ANKAR: variants seen among roughly 807,000 people sequenced by gnomAD.
ANKAR encodes ankyrin and armadillo repeat containing, also known as ankyrin and armadillo repeat-containing protein.
ANKAR carries 136 observed loss-of-function variants against 146.2 expected under a neutral mutation model. That is an observed-to-expected ratio of 0.93 (90% CI 0.81 to 1.07). The LOEUF (loss-of-function observed/expected upper bound fraction) is 1.07, where lower values mean the gene tolerates loss of function less well. ANKAR is among the 50% of genes least tolerant of loss of function. ANKAR has a pLI of 0.00. For missense variants in ANKAR, 1,567 were observed against 1,679.9 expected, an observed-to-expected ratio of 0.93 and a Z score of 1.18; for synonymous variants, 500 against 575.8, an observed-to-expected ratio of 0.87 and a Z score of 1.88.
In ANKAR at chr2:189,674,691, C is replaced by G. The variant is rs2033223757; in HGVS notation, c.-175C>G. On this transcript the variant is annotated 5_prime_UTR_variant, in exon 1 of 23. Transcript: ENST00000684021. The stretch of plus-strand genomic sequence containing the variant: ...TCTCAGTTCCTTCCGGTGCGCCTCC[C>G]GCTCGCCCTTGCGGAGGCCCTGAGG... 6.6e-6 allele frequency: 1 copy of G among 152,296 alleles called. No individual in the cohort carries two copies. Among genetic ancestry groups the G allele is most frequent in the African/African-American group, 2.4e-5 (1 of 41,460 alleles). 9.4% of individuals were successfully genotyped at this position (152,296 alleles called of 1,614,324 possible).
intron 2 of ANKAR, among the ~76,000 whole-genome samples, chr2:189,678,609 T>C (rs757677537): frequency 9.8e-5 from 15 of 152,344 alleles, no homozygotes; most frequent in Non-Finnish European, 1.8e-4. Flanking sequence ...TTGATTTTTA[T>C]ATAAGGTGAG....
At chr2:189,686,570 A>G (rs1371628071) in intron 2 of ANKAR, among the ~76,000 whole-genome samples, 1 of 152,168 alleles carries the variant, frequency 6.6e-6, no homozygotes, top group Non-Finnish European at 1.5e-5. Context: ...GGCAAAAAAA[A>G]AGAAATTTAT....
At chr2:189,738,844 C>T (rs1048398523) in intron 19 of ANKAR, among the ~76,000 whole-genome samples, 162 bp downstream of exon 19, 2 of 152,162 alleles carry the variant, frequency 1.3e-5, no homozygotes, top group Admixed American at 6.6e-5. Context: ...CAAGTCTACA[C>T]GAAACAATGG....
At chr2:189,736,085 T>C (rs2042810720) in intron 17 of ANKAR, among the ~76,000 whole-genome samples, 1 of 152,212 alleles carries the variant, frequency 6.6e-6, no homozygotes, top group Non-Finnish European at 1.5e-5. Context: ...TCCTCAAGCA[T>C]TAATTTTTAG....
chr2:189,744,415 G>A (rs1345426772), intron 21 of ANKAR, among the ~76,000 whole-genome samples: 8 of 152,192 alleles, frequency 5.3e-5, no homozygotes, highest in Non-Finnish European at 1.2e-4. Context: ...TAGCCCATGT[G>A]ACGACTTTGT....
intron 5 of ANKAR, among the ~76,000 whole-genome samples, chr2:189,694,323 G>C (rs2036873364): frequency 6.6e-6 from 1 of 152,200 alleles, no homozygotes; most frequent in African/African-American, 2.4e-5. Flanking sequence ...ACAGAGGTAG[G>C]TCAGCAGCTG....
intron 18 of ANKAR, chr2:189,753,917 A>T (rs772012980): frequency 6.2e-7 from 1 of 1,612,970 alleles, no homozygotes; most frequent in Non-Finnish European, 8.5e-7. Flanking sequence ...AAAACTTACC[A>T]GTACTGCATT....
chr2:189,728,904 C>A, intron 15 of ANKAR, 83 bp downstream of exon 15: 2 of 1,305,546 alleles, frequency 1.5e-6, no homozygotes, highest in Non-Finnish European at 2.1e-6. Flanking sequence ...AATCTCTCTT[C>A]CTCTCTATCC....
intron 2 of ANKAR, among the ~76,000 whole-genome samples, chr2:189,681,501 G>A (rs369579304): frequency 1.3e-5 from 2 of 152,152 alleles, no homozygotes; most frequent in African/African-American, 4.8e-5. Context: ...AGACACATAG[G>A]AACATTCTAA....
chr2:189,724,880 G>T (rs1574642820), intron 12 of ANKAR, among the ~76,000 whole-genome samples: 1 of 151,916 alleles, frequency 6.6e-6, no homozygotes, highest in African/African-American at 2.4e-5. Flanking sequence ...CTACAAGGCT[G>T]GGGGAAATGA....
chr2:189,745,199 A>G (rs2043974262), intron 22 of ANKAR, among the ~76,000 whole-genome samples: 1 of 151,826 alleles, frequency 6.6e-6, no homozygotes, highest in South Asian at 2.1e-4. Flanking sequence ...TCAAAAAAAA[A>G]AGTAGAGGGT....
chr2:189,699,127 A>G (rs1439984807), intron 7 of ANKAR, among the ~76,000 whole-genome samples: 4 of 151,974 alleles, frequency 2.6e-5, no homozygotes, highest in African/African-American at 9.7e-5. Context: ...TGCTCAGGAA[A>G]TTTTTCTTGA....
chr2:189,714,872 G>A (rs12990627), intron 10 of ANKAR, among the ~76,000 whole-genome samples: 88,618 of 149,672 alleles, frequency 0.59, 29,723 homozygotes, highest in South Asian at 0.76. Flanking sequence ...CATGAACCCC[G>A]GAGGCGGAGC....
chr2:189,719,534 A>G (rs1374300175), intron 10 of ANKAR, 38 bp from the exon 11 acceptor site: 1 of 1,542,926 alleles, frequency 6.5e-7, no homozygotes, highest in African/African-American at 1.4e-5. Context: ...GTTACCAATA[A>G]TTCATGCTTT....
chr2:189,706,792 A>C, intron 8 of ANKAR, 146 bp from the exon 9 acceptor site: 1 of 608,280 alleles, frequency 1.6e-6, no homozygotes, highest in Non-Finnish European at 2.8e-6. Flanking sequence ...AAATCCATTT[A>C]CATGTAGAAT....
intron 17 of ANKAR, among the ~76,000 whole-genome samples, chr2:189,736,495 C>T (rs2042845112): frequency 2.3e-4 from 2 of 8,528 alleles, no homozygotes; most frequent in Non-Finnish European, 3.4e-3. Flanking sequence ...ATTTAGGTGA[C>T]TGGGTTTTGT....
intron 20 of ANKAR, among the ~76,000 whole-genome samples, chr2:189,741,695 A>AT (rs1308419432): frequency 6.6e-6 from 1 of 152,186 alleles, no homozygotes; most frequent in East Asian, 1.9e-4. Context: ...TTTAATTCCT[A>AT]TAAAAATATA....
chr2:189,734,257 T>G (rs2042645632), intron 17 of ANKAR, among the ~76,000 whole-genome samples: 1 of 152,258 alleles, frequency 6.6e-6, no homozygotes, highest in Non-Finnish European at 1.5e-5. Context: ...ACTTTGAGAT[T>G]ATGCAAATAT....
chr2:189,738,939 C>CT (rs35774895), intron 19 of ANKAR, among the ~76,000 whole-genome samples: 33,536 of 151,764 alleles, frequency 0.22, 3,954 homozygotes, highest in African/African-American at 0.28. Flanking sequence ...AAACCCTTAA[C>CT]TTTTTTTTCC....
Sources: allele counts gnomAD v4.1 joint callset (sites outside exome capture counted in the v4.1 genomes callset), GRCh38; gene constraint gnomAD v4.1.1; transcripts MANE v1.5; gene names NCBI Gene and HGNC (gene_info 2026-07-23, HGNC 2026-07-21).